Variants in POC5 observed in about 807,000 individuals in gnomAD.
The protein encoded by POC5 is POC5 centriolar protein, also known as centrosomal protein POC5.
In POC5, 48 loss-of-function variants were observed where a neutral mutation model predicts 62.9. The ratio of observed to expected loss-of-function variants is 0.76; its 90% confidence interval spans 0.61 to 0.97. The LOEUF is 0.97. Among genes scored for constraint, POC5 ranks in the 50% least tolerant of loss-of-function variants. POC5 has a pLI of 0.00. For synonymous variants in POC5, 236 were observed against 228.2 expected (o/e 1.03, Z -0.31); for missense variants, 696 against 679.5 (o/e 1.02, Z -0.27).
At chr5:75,714,199 G>T (rs924611250) in intron 1 of POC5, among the ~76,000 whole-genome samples, 2 of 152,092 alleles carry the variant, frequency 1.3e-5, no homozygotes. Context: ...GGCCAACATG[G>T]CGAAACCCTG....
intron 2 of POC5, among the ~76,000 whole-genome samples, chr5:75,708,134 A>T (rs950949147): frequency 6.6e-6 from 1 of 152,164 alleles, no homozygotes; most frequent in Non-Finnish European, 1.5e-5. Flanking sequence ...CTGAGGCAGG[A>T]GGATGGCTTG....
At chr5:75,678,829 C>A (rs533541953) in intron 10 of POC5, among the ~76,000 whole-genome samples, 2 of 152,104 alleles carry the variant, frequency 1.3e-5, no homozygotes, top group Non-Finnish European at 2.9e-5. Context: ...TGCTGCTTAT[C>A]GCTGGATAAT....
Position 75,678,199 on chromosome 5 carries a change from T to C in POC5, c.1408-249A>G, listed in dbSNP as rs372832281. Among the ~76,000 whole-genome samples, 4 of 152,286 alleles carry C rather than the reference T, an allele frequency of 2.6e-5. No homozygotes were observed. In the East Asian group the frequency reaches 5.8e-4, roughly 22 times the overall value. On this transcript the variant is annotated intron_variant, in intron 10 of 11. Coordinates refer to ENST00000428202, the MANE Select transcript of POC5 (RefSeq NM_001099271.2). ...AGAAACTTAAAAAACCAACTTTTTT[T>C]TTTTAAATGATAGATTTATAGAAAG...
chr5:75,710,052 C>T (rs563143962), intron 2 of POC5, among the ~76,000 whole-genome samples: 1 of 152,196 alleles, frequency 6.6e-6, no homozygotes, highest in Non-Finnish European at 1.5e-5. Context: ...CTGGTCCCCT[C>T]TTCCCATGGG....
At chr5:75,685,736 A>G (rs1406385404) in intron 9 of POC5, among the ~76,000 whole-genome samples, 2 of 152,230 alleles carry the variant, frequency 1.3e-5, no homozygotes, top group Non-Finnish European at 2.9e-5. Context: ...CTTAAATAAA[A>G]GATGAAAATA....
intron 1 of POC5, among the ~76,000 whole-genome samples, chr5:75,715,112 A>T (rs187106562): frequency 1.3e-5 from 2 of 152,176 alleles, no homozygotes; most frequent in African/African-American, 4.8e-5. Context: ...GGAGATCAAG[A>T]CCATACTAGC....
At chr5:75,696,725 G>C (rs1561473126) in intron 5 of POC5, among the ~76,000 whole-genome samples, 1 of 152,224 alleles carries the variant, frequency 6.6e-6, no homozygotes, top group African/African-American at 2.4e-5. Context: ...ACTTTGACGA[G>C]CTGAGAAGGC....
intron 5 of POC5, among the ~76,000 whole-genome samples, chr5:75,700,300 A>G (rs1250155139): frequency 6.6e-5 from 10 of 151,654 alleles, no homozygotes; most frequent in Admixed American, 5.9e-4. Flanking sequence ...GAGGCATCAC[A>G]CTACCTGACT....
intron 3 of POC5, chr5:75,707,485 C>T: frequency 3.0e-6 from 1 of 331,370 alleles, no homozygotes; most frequent in Non-Finnish European, 5.6e-6. Context: ...ATGCAGTTGC[C>T]ATAGCATTGC....
At chr5:75,705,850 A>C (rs1777095811) in intron 3 of POC5, 63 bp from the exon 4 acceptor site, 1 of 1,027,118 alleles carries the variant, frequency 9.7e-7, no homozygotes, top group Non-Finnish European at 1.4e-6. Flanking sequence ...GTCTAATCAC[A>C]CATAATTTAA....
At chr5:75,691,429 C>G (rs971771434) in intron 7 of POC5, among the ~76,000 whole-genome samples, 3 of 152,122 alleles carry the variant, frequency 2.0e-5, no homozygotes, top group African/African-American at 7.2e-5. Context: ...AAATTCCACA[C>G]AGAAGTACTT....
chr5:75,699,083 A>G (rs1776745563), intron 5 of POC5, among the ~76,000 whole-genome samples: 1 of 152,192 alleles, frequency 6.6e-6, no homozygotes, highest in African/African-American at 2.4e-5. Flanking sequence ...TCAATAGCTT[A>G]CCAATGAAAA....
At chr5:75,717,242 C>T (rs543274042) in intron 1 of POC5, 64 bp downstream of exon 1, 3 of 152,424 alleles carry the variant, frequency 2.0e-5, no homozygotes, top group Admixed American at 2.0e-4. Context: ...AACTTTAAAT[C>T]TCCCTCCACT....
intron 4 of POC5, among the ~76,000 whole-genome samples, chr5:75,704,172 C>G (rs1237684297): frequency 2.1e-5 from 3 of 146,200 alleles, no homozygotes; most frequent in African/African-American, 5.0e-5. Flanking sequence ...AAAAAAAAAG[C>G]ACTGAGAAAG....
rs761025458 is a variant in POC5 at position 75,707,916 on chromosome 5, C to A, written c.85-41G>T. The A allele has an allele frequency of 1.0e-5, 15 of 1,490,970 alleles. No individual in the cohort carries two copies. The South Asian group carries it at 1.1e-4, about 11-fold the overall frequency. 92.4% of individuals were successfully genotyped at this position (1,490,970 alleles called of 1,614,324 possible). On this transcript the variant is annotated intron_variant, in intron 2 of 11. Transcript: ENST00000428202. Reference sequence around the variant, plus strand: ...AATCAATAATGTAGTGTAACAGTTACAATGTTATAATATATTCAACTGAAT... The same window carrying A: ...AATCAATAATGTAGTGTAACAGTTAAAATGTTATAATATATTCAACTGAAT...
intron 1 of POC5, among the ~76,000 whole-genome samples, chr5:75,714,716 G>A (rs1017770973): frequency 6.6e-6 from 1 of 152,154 alleles, no homozygotes; most frequent in Non-Finnish European, 1.5e-5. Context: ...AGCTGGGTGT[G>A]AGGATGCCTC....
At chr5:75,688,116 T>C (rs1411794332) in intron 9 of POC5, among the ~76,000 whole-genome samples, 5 of 152,222 alleles carry the variant, frequency 3.3e-5, no homozygotes, top group Non-Finnish European at 5.9e-5. Context: ...TAAATGTTTG[T>C]TGATGTTTTA....
chr5:75,684,253 T>C (rs2112093652), intron 10 of POC5, among the ~76,000 whole-genome samples: 1 of 152,238 alleles, frequency 6.6e-6, no homozygotes, highest in East Asian at 1.9e-4. Context: ...ATAGAAAATA[T>C]AAAATTAAAT....
At chr5:75,713,029 A>G (rs1377338763) in intron 1 of POC5, 78 bp from the exon 2 acceptor site, 3 of 998,948 alleles carry the variant, frequency 3.0e-6, no homozygotes, top group Non-Finnish European at 4.5e-6. Flanking sequence ...TATAAGTGCA[A>G]CAGTATCCAA....
Sources: gnomAD v4.1 joint callset for allele counts (sites outside exome capture counted in the v4.1 genomes callset) on GRCh38, gnomAD v4.1.1 for gene constraint, MANE v1.5 for transcripts, NCBI Gene and HGNC (gene_info 2026-07-23, HGNC 2026-07-21) for gene names.